Variants in IRAG1 observed in about 807,000 individuals in gnomAD.
IRAG1 encodes the protein inositol 1,4,5-triphosphate receptor associated 1.
A neutral mutation model predicts 106.2 loss-of-function variants in IRAG1; 62 were observed. The observed-to-expected ratio is 0.58, with a 90% confidence interval of 0.48 to 0.72. The LOEUF (loss-of-function observed/expected upper bound fraction) is 0.72. IRAG1 is among the 30% of genes least tolerant of loss of function. The probability of loss-of-function intolerance (pLI) is 0.00; values close to 1 mark genes in which losing one functional copy is unlikely to be tolerated. For synonymous variants in IRAG1, 462 were observed against 443.9 expected, an observed-to-expected ratio of 1.04 and a Z score of -0.51; for missense variants, 1,064 against 1,140.7, an observed-to-expected ratio of 0.93 and a Z score of 0.97.
At chr11:10,592,186 G>T (rs1170199533) in intron 17 of IRAG1, among the ~76,000 whole-genome samples, 1 of 152,114 alleles carries the variant, frequency 6.6e-6, no homozygotes, top group East Asian at 1.9e-4. Context: ...ATCACCTGGG[G>T]GAGGTTTTAA....
chr11:10,668,760 T>G (rs1254812972), intron 1 of IRAG1, among the ~76,000 whole-genome samples: 2 of 152,248 alleles, frequency 1.3e-5, no homozygotes, highest in African/African-American at 4.8e-5. Flanking sequence ...GTCTTTCTCA[T>G]CTTTGTATCT....
intron 1 of IRAG1, among the ~76,000 whole-genome samples, chr11:10,675,901 T>A (rs1860615617): frequency 6.6e-6 from 1 of 152,166 alleles, no homozygotes. Flanking sequence ...TACCCACTGA[T>A]CGACCACGAC....
At chr11:10,667,409 T>C (rs900778320) in intron 1 of IRAG1, among the ~76,000 whole-genome samples, 1 of 152,168 alleles carries the variant, frequency 6.6e-6, no homozygotes, top group Non-Finnish European at 1.5e-5. Context: ...CTGCTCAGCC[T>C]GCAGGTCAGC....
intron 15 of IRAG1, among the ~76,000 whole-genome samples, chr11:10,596,816 C>T (rs1449132642): frequency 2.6e-5 from 4 of 152,186 alleles, no homozygotes; most frequent in African/African-American, 9.7e-5. Context: ...CTAGGTTATA[C>T]TAGTTTAATA....
chr11:10,636,156 A>G (rs1564921241), intron 2 of IRAG1, among the ~76,000 whole-genome samples: 2 of 152,244 alleles, frequency 1.3e-5, no homozygotes, highest in African/African-American at 2.4e-5. Context: ...TGTGAAGATT[A>G]AAAATAACAT....
intron 3 of IRAG1, among the ~76,000 whole-genome samples, chr11:10,632,810 C>T (rs374901855): frequency 2.6e-5 from 4 of 152,182 alleles, no homozygotes; most frequent in South Asian, 4.1e-4. Flanking sequence ...CTGACAAAGA[C>T]GCAGATGATT....
intron 14 of IRAG1, among the ~76,000 whole-genome samples, chr11:10,601,845 G>C (rs534390587): frequency 2.0e-5 from 3 of 152,332 alleles, no homozygotes; most frequent in South Asian, 2.1e-4. Flanking sequence ...TGGAGCCAGA[G>C]AGGAAGGCAA....
intron 12 of IRAG1, 40 bp downstream of exon 12, chr11:10,606,702 G>A (rs750517168): frequency 1.9e-6 from 3 of 1,575,472 alleles, no homozygotes; most frequent in East Asian, 2.3e-5. Flanking sequence ...GCCCAGTCAA[G>A]CACGGGCACT....
At chr11:10,664,946 C>A (rs1046833034) in intron 1 of IRAG1, among the ~76,000 whole-genome samples, 1 of 152,176 alleles carries the variant, frequency 6.6e-6, no homozygotes, top group Non-Finnish European at 1.5e-5. Flanking sequence ...CCTGATATCC[C>A]CAGCCTTTTC....
chr11:10,581,997 G>T lies in IRAG1; in HGVS notation c.2241-11C>A, dbSNP rs1851439346. On this transcript the variant is annotated splice_polypyrimidine_tract_variant and intron_variant, in intron 18 of 20. Coordinates refer to ENST00000423302, the MANE Select transcript of IRAG1 (RefSeq NM_130385.4). ...CCATTTGTCTTTCCACTAGTGAGAA[G>T]AGGGAAGTACAGGGCATCATTTCAG... The T allele has an allele frequency of 6.2e-7, 1 of 1,611,492 alleles. No homozygotes were observed. The highest frequency in any genetic ancestry group is 1.3e-5 in the African/African-American group (1 of 74,756).
chr11:10,644,358 A>G lies in IRAG1; in HGVS notation c.225+7667T>C, dbSNP rs142739365. On this transcript the variant is annotated intron_variant, in intron 2 of 20. Transcript: ENST00000423302. ...AGTTGCTACCATTATCTTGTATACC[A>G]GATACTAATATTTTATTGATAATTT... Among the ~76,000 whole-genome samples, 566 of 152,340 alleles carry G rather than the reference A, an allele frequency of 3.7e-3. 2 individuals are homozygous for G. Among genetic ancestry groups the G allele is most frequent in the Non-Finnish European group, 5.6e-3 (382 of 68,040 alleles).
At chr11:10,646,780 C>A (rs1350811502) in intron 2 of IRAG1, among the ~76,000 whole-genome samples, 1 of 152,152 alleles carries the variant, frequency 6.6e-6, no homozygotes, top group Non-Finnish European at 1.5e-5. Context: ...CTCGGAGAGA[C>A]CCAGAGTGCC....
At chr11:10,578,573 G>A (rs1851066656) in intron 20 of IRAG1, among the ~76,000 whole-genome samples, 1 of 152,228 alleles carries the variant, frequency 6.6e-6, no homozygotes, top group Admixed American at 6.5e-5. Context: ...AGTAGGACAT[G>A]GAACTCTTAA....
chr11:10,588,772 C>A (rs910163946), intron 18 of IRAG1, among the ~76,000 whole-genome samples: 4 of 152,184 alleles, frequency 2.6e-5, no homozygotes, highest in African/African-American at 9.7e-5. Flanking sequence ...CACTTCCTTA[C>A]GATCCCACCC....
At chr11:10,603,350 A>G in intron 13 of IRAG1, 99 bp from the exon 14 acceptor site, 1 of 1,417,308 alleles carries the variant, frequency 7.1e-7, no homozygotes, top group East Asian at 2.4e-5. Context: ...GGTTTGGAAG[A>G]CAATTTTTCC....
At position 10,687,850 on chromosome 11, in the gene IRAG1, C is replaced by T. The variant is rs1389198984; in HGVS notation, c.67+5686G>A. 23 of 1,239,464 alleles carry T rather than the reference C, an allele frequency of 1.9e-5. No homozygotes were observed. The East Asian group carries it at 9.1e-4, about 49-fold the overall frequency. 76.8% of individuals were successfully genotyped at this position (1,239,464 alleles called of 1,614,324 possible). ...CCGAGTGCTAAGAATAGACAGTGGG[C>T]TAAGGGATTTAGCTTTGCTTTTTTT... On this transcript the variant is annotated intron_variant, in intron 1 of 20. Transcript: ENST00000423302.
intron 1 of IRAG1, among the ~76,000 whole-genome samples, chr11:10,682,631 G>A (rs1013081659): frequency 2.8e-4 from 42 of 152,152 alleles, no homozygotes; most frequent in Non-Finnish European, 2.9e-5. Context: ...CATAAACAAT[G>A]GACATGGTTA....
chr11:10,672,726 T>C (rs1384381678), intron 1 of IRAG1, among the ~76,000 whole-genome samples: 4 of 152,114 alleles, frequency 2.6e-5, no homozygotes, highest in African/African-American at 7.2e-5. Flanking sequence ...CTGGTAGAAA[T>C]GTAAAATGGC....
rs1235820225 is a variant in IRAG1, at chr11:10,627,758, C to T, written c.708G>A (p.Lys236=). ...PSPLPGAPPQ[K]GDEADVSSPH... is the part of the protein sequence containing the mutation. ...GTGAAGAGACGTCGGCCTCATCCCC[C>T]TTCTGCTGGAGAAGGTGAACAGGAG... is the stretch of plus-strand genomic sequence containing the variant. Residue 236 remains lysine, a splice_region_variant and synonymous_variant, in exon 8 of 21, where the codon AAG becomes AAA. Transcript: ENST00000423302. The T allele has an allele frequency of 8.7e-6, 14 of 1,613,976 alleles. No individual in the cohort carries two copies. Among genetic ancestry groups the T allele is most frequent in the Non-Finnish European group, 1.2e-5 (14 of 1,179,884 alleles).
Sources: allele counts gnomAD v4.1 joint callset (sites outside exome capture counted in the v4.1 genomes callset), GRCh38; gene constraint gnomAD v4.1.1; transcripts MANE v1.5; gene names NCBI Gene and HGNC (gene_info 2026-07-23, HGNC 2026-07-21).